FAM120C: variants seen among roughly 807,000 people sequenced by gnomAD.
FAM120C encodes the protein family with sequence similarity 120 member C, also known as constitutive coactivator of PPAR-gamma-like protein 2.
A neutral mutation model predicts 71.2 loss-of-function variants in FAM120C; 14 were observed. That is an observed-to-expected ratio of 0.20 (90% CI 0.13 to 0.31). FAM120C has a LOEUF of 0.31. Ranked by LOEUF, FAM120C falls within the 10% of genes least tolerant of loss-of-function variation. The pLI, the probability that FAM120C is intolerant of heterozygous loss-of-function variation, is 1.00. For synonymous variants in FAM120C, 354 were observed against 353.2 expected (o/e 1.00, Z -0.03); for missense variants, 500 against 879.0 (o/e 0.57, Z 5.45).
chrX:54,085,902 G>A lies in FAM120C; in HGVS notation c.2652C>T (p.Thr884=), dbSNP rs1557121923. 8.3e-7 allele frequency: 1 copy of A among 1,211,280 alleles called. No homozygotes were observed. Among genetic ancestry groups the A allele is most frequent in the Admixed American group, 2.2e-5 (1 of 45,983 alleles). ...ELCDGQADLA[T]KVEKMRQSIL... is the part of the protein sequence containing the mutation. ...TGCTCTGTCTCATCTTTTCCACTTT[G>A]GTTGCCAGGTCAGCCTTCAAATGAG... The change falls in exon 13 of 16, where the codon ACC becomes ACT. Residue 884 remains threonine (T), a synonymous_variant. Coordinates refer to ENST00000375180, the MANE Select transcript of FAM120C (RefSeq NM_017848.6).
rs1306829749 is a variant in FAM120C at position 54,073,115 on chromosome X, C to T, written c.3209G>A (p.Arg1070His). 1.2e-5 allele frequency: 15 copies of T among 1,208,791 alleles called. No homozygotes were observed. Among genetic ancestry groups the T allele is most frequent in the African/African-American group, 1.8e-5 (1 of 57,051 alleles). ...RDSNECNNGN[R>H]YLPMNNREKN... Reference sequence around the variant, plus strand: ...CTCCCTATTATTCATAGGGAGGTAGCGGTTACCATTATTACACTCATTGCT... The same window carrying T: ...CTCCCTATTATTCATAGGGAGGTAGTGGTTACCATTATTACACTCATTGCT... The change falls in exon 16 of 16, where the codon CGC becomes CAC. Residue 1070 changes from arginine to histidine, a missense_variant. Physicochemically the swap from Arg to His is conservative, Grantham distance 29. Transcript: ENST00000375180.
chrX:54,103,318 G>C (rs1383923773), intron 10 of FAM120C, among the ~76,000 whole-genome samples: 1 of 110,648 alleles, frequency 9.0e-6, no homozygotes, highest in Non-Finnish European at 1.9e-5. Context: ...GATAGTTACT[G>C]TCTCTGACAA....
intron 5 of FAM120C, among the ~76,000 whole-genome samples, chrX:54,135,819 G>A (rs2067091551): frequency 9.0e-6 from 1 of 111,093 alleles, no homozygotes; most frequent in African/African-American, 3.3e-5. Flanking sequence ...TCATATAAAT[G>A]TGACTTGCCA....
intron 15 of FAM120C, among the ~76,000 whole-genome samples, chrX:54,076,211 C>T (rs1216970816): frequency 9.1e-6 from 1 of 109,612 alleles, no homozygotes; most frequent in Non-Finnish European, 1.9e-5. Flanking sequence ...TGGTGGTGCA[C>T]TACTGTAATC....
In FAM120C at chrX:54,085,827, C is replaced by T. The variant is rs368833346; in HGVS notation, c.2727G>A (p.Pro909=). 112 of 1,209,330 alleles carry T rather than the reference C, an allele frequency of 9.3e-5. No homozygotes were observed. The highest frequency in any genetic ancestry group is 1.2e-4 in the Non-Finnish European group (107 of 894,898). Residue 909 remains proline (P), a synonymous_variant, in exon 13 of 16, where the codon CCG becomes CCA. Coordinates refer to ENST00000375180, the MANE Select transcript of FAM120C (RefSeq NM_017848.6). ...CCATGGGAGGCACAAAAGTAGGTGA[C>T]GGAAGTAGAGCAGAAGGCGGTGGAT... is the stretch of plus-strand genomic sequence containing the variant. ...MNHPPPSALL[P]SPTFVPPMVP... is the part of the protein sequence containing the mutation.
chrX:54,148,789 A>G (rs1361178643), intron 4 of FAM120C, among the ~76,000 whole-genome samples: 1 of 112,123 alleles, frequency 8.9e-6, no homozygotes, highest in Non-Finnish European at 1.9e-5. Flanking sequence ...ACAACGTATT[A>G]TATTTTTGGA....
rs1323384675 is a variant in FAM120C at position 54,182,856 on chromosome X, C to G, written c.343G>C (p.Gly115Arg). ...LPPPPPPQLP[G>R]ARVLVDAGSA... ...CCGGCGTCCACCAGCACCCGGGCCC[C>G]GGGCAGCTGAGGGGGCGGCGGCGGC... Residue 115 changes from glycine to arginine, a missense_variant, in exon 1 of 16, where the codon GGG (glycine) becomes CGG (arginine). Physicochemically the swap from Gly to Arg is moderately radical, Grantham distance 125. Coordinates refer to ENST00000375180, the MANE Select transcript of FAM120C (RefSeq NM_017848.6). 5.2e-6 allele frequency: 6 copies of G among 1,155,944 alleles called. No individual in the cohort carries two copies. In the African/African-American group the frequency reaches 1.1e-4, roughly 21 times the overall value.
chrX:54,078,346 G>C (rs1006932884), intron 15 of FAM120C, among the ~76,000 whole-genome samples: 5 of 111,086 alleles, frequency 4.5e-5, no homozygotes, highest in Admixed American at 9.8e-5. Context: ...ACTACCTTAC[G>C]AGAGCCTATC....
At chrX:54,084,028 A>G (rs1329704397) in intron 13 of FAM120C, among the ~76,000 whole-genome samples, 2 of 111,035 alleles carry the variant, frequency 1.8e-5, no homozygotes, top group African/African-American at 6.5e-5. Flanking sequence ...CTAGAGTGCT[A>G]GTTACTTTTA....
intron 10 of FAM120C, among the ~76,000 whole-genome samples, chrX:54,092,315 G>A (rs1281336520): frequency 1.8e-5 from 2 of 110,783 alleles, no homozygotes; most frequent in East Asian, 2.8e-4. Context: ...AGGCTGAGAC[G>A]GGCAGATCAC....
chrX:54,143,455 T>G (rs1178658164), intron 4 of FAM120C, among the ~76,000 whole-genome samples: 105 of 79,601 alleles, frequency 1.3e-3, no homozygotes, highest in Admixed American at 2.2e-3. Flanking sequence ...AAGAATCAAA[T>G]AGACGCAATA....
chrX:54,118,607 G>A (rs372147570), intron 9 of FAM120C, among the ~76,000 whole-genome samples: 1 of 107,889 alleles, frequency 9.3e-6, no homozygotes, highest in Non-Finnish European at 1.9e-5. Context: ...TCCTCTCCGG[G>A]ATATGGTATT....
intron 15 of FAM120C, 138 bp downstream of exon 15, chrX:54,080,094 T>C (rs1557121121): frequency 2.0e-6 from 1 of 510,998 alleles, no homozygotes; most frequent in Non-Finnish European, 3.4e-6. Flanking sequence ...ACCACTAGAA[T>C]GAAATCAAAT....
intron 15 of FAM120C, among the ~76,000 whole-genome samples, chrX:54,074,215 G>A (rs782583824): frequency 9.0e-6 from 1 of 111,560 alleles, no homozygotes; most frequent in East Asian, 2.8e-4. Context: ...CCCATTTGCT[G>A]ATGAGGAAGG....
At chrX:54,164,348 C>T (rs184208088) in intron 1 of FAM120C, among the ~76,000 whole-genome samples, 250 of 112,298 alleles carry the variant, frequency 2.2e-3, no homozygotes, top group African/African-American at 7.8e-3. Flanking sequence ...TGTTATACAA[C>T]GTATCTCCAG....
At chrX:54,130,013 A>G (rs1171093335) in intron 9 of FAM120C, among the ~76,000 whole-genome samples, 1 of 101,116 alleles carries the variant, frequency 9.9e-6, no homozygotes. Flanking sequence ...GACCGTGGAA[A>G]GAGAGGGAGA....
At chrX:54,084,740 T>A (rs1371390791) in intron 13 of FAM120C, among the ~76,000 whole-genome samples, 1 of 110,041 alleles carries the variant, frequency 9.1e-6, no homozygotes, top group Non-Finnish European at 1.9e-5. Flanking sequence ...AAATCTTGTT[T>A]CACCACGGGA....
intron 1 of FAM120C, among the ~76,000 whole-genome samples, chrX:54,181,904 C>T (rs2067351937): frequency 8.9e-6 from 1 of 112,558 alleles, no homozygotes; most frequent in African/African-American, 3.2e-5. Context: ...TTAATACTTG[C>T]TGAACAGTGA....
At chrX:54,114,304 GGTACAAT>G (rs2066955342) in intron 10 of FAM120C, among the ~76,000 whole-genome samples, 1 of 111,188 alleles carries the variant, frequency 9.0e-6, no homozygotes. Context: ...TTACTTAATG[GGTACAAT>G]GTACACTATT....
Sources: allele counts gnomAD v4.1 joint callset (sites outside exome capture counted in the v4.1 genomes callset), GRCh38; gene constraint gnomAD v4.1.1; transcripts MANE v1.5; gene names NCBI Gene and HGNC (gene_info 2026-07-23, HGNC 2026-07-21).